Variants in FLRT2 observed in about 807,000 individuals in gnomAD.
The protein encoded by FLRT2 is leucine-rich repeat transmembrane protein FLRT2.
In FLRT2, 15 loss-of-function variants were observed where a neutral mutation model predicts 40.0. The observed-to-expected ratio is 0.38, with a 90% CI of 0.25 to 0.58. The LOEUF (loss-of-function observed/expected upper bound fraction) is 0.58, where lower values mean the gene tolerates loss of function less well. FLRT2 is among the 20% of genes least tolerant of loss of function. FLRT2 has a pLI of 0.71. For missense variants in FLRT2, 726 were observed against 840.0 expected, an observed-to-expected ratio of 0.86 and a Z score of 1.68; for synonymous variants, 380 against 336.8, an observed-to-expected ratio of 1.13 and a Z score of -1.41.
rs975693411 is a variant in FLRT2 at position 85,627,902 on chromosome 14, A to G, written c.*4405A>G. 5 of 167,090 alleles carry G rather than the reference A, an allele frequency of 3.0e-5. No individual in the cohort carries two copies. The highest frequency in any genetic ancestry group is 2.6e-4 in the Admixed American group (4 of 15,282). 10.4% of individuals were successfully genotyped at this position (167,090 alleles called of 1,614,324 possible). ...ACAGTACCTTGTTGATATATTCAGT[A>G]AAGTCTTATTTTAAAAGAAAACCAC... On this transcript the variant is annotated 3_prime_UTR_variant, in exon 2 of 2. Transcript: ENST00000330753.
At chr14:85,564,142 A>G (rs1475371230) in intron 1 of FLRT2, among the ~76,000 whole-genome samples, 1 of 152,194 alleles carries the variant, frequency 6.6e-6, no homozygotes, top group Non-Finnish European at 1.5e-5. Flanking sequence ...AGAACACCAA[A>G]GTGGCACTTG....
intron 1 of FLRT2, among the ~76,000 whole-genome samples, chr14:85,588,143 G>A (rs10133643): frequency 0.33 from 49,706 of 151,796 alleles, 9,201 homozygotes; most frequent in African/African-American, 0.51. Context: ...CACTATTTGA[G>A]TCCCGAATCT....
Position 85,623,603 on chromosome 14 carries a change from T to C in FLRT2, c.*106T>C. 1 of 825,888 alleles carries C rather than the reference T, an allele frequency of 1.2e-6. No individual in the cohort carries two copies. The allele number at this position is 825,888 out of a possible 1,614,324, so 51.2% of individuals were successfully genotyped here. A position where few individuals can be genotyped will look rare whatever the true frequency, so the allele number is the denominator to read the frequency against. The stretch of plus-strand genomic sequence containing the variant: ...TTACATTTGATAAATGTTACACAGA[T>C]GCATTTGTGCATTTGAATACTCTGT... On this transcript the variant is annotated 3_prime_UTR_variant, in exon 2 of 2. Transcript: ENST00000330753.
rs1894077173 is a variant in FLRT2 at position 85,638,893 on chromosome 14, AG to A, written c.*15397del. ...AACCTTGTTATATGCTAAAAATAAAAGATTAAAAAACATACAGTGCAAAAAA... is the reference window on the plus strand; with the variant it reads ...AACCTTGTTATATGCTAAAAATAAAAATTAAAAAACATACAGTGCAAAAAA... On this transcript the variant is annotated 3_prime_UTR_variant, in exon 2 of 2. Transcript: ENST00000330753. 6.6e-6 allele frequency: 1 copy of A among 152,244 alleles called. No homozygotes were observed. The highest frequency in any genetic ancestry group is 1.5e-5 in the Non-Finnish European group (1 of 68,048). 9.4% of individuals were successfully genotyped at this position (152,244 alleles called of 1,614,324 possible).
In FLRT2 at chr14:85,632,252, A is replaced by C. The variant is rs987726693; in HGVS notation, c.*8755A>C. ...TTTGGGAGGCCGAGGTGGGCAGATC[A>C]CGAGGTCAAGAAATCAAGACCATCC... On this transcript the variant is annotated 3_prime_UTR_variant, in exon 2 of 2. Transcript: ENST00000330753. 14 of 152,098 alleles carry C rather than the reference A, an allele frequency of 9.2e-5. No homozygotes were observed. Among genetic ancestry groups the C allele is most frequent in the Admixed American group, 3.3e-4 (5 of 15,258 alleles). 9.4% of individuals were successfully genotyped at this position (152,098 alleles called of 1,614,324 possible).
rs1301961438 is a variant in FLRT2 at position 85,626,953 on chromosome 14, C to T, written c.*3456C>T. 1 of 167,064 alleles carries T rather than the reference C, an allele frequency of 6.0e-6. No individual in the cohort carries two copies. Among genetic ancestry groups the T allele is most frequent in the African/African-American group, 2.4e-5 (1 of 41,472 alleles). 10.3% of individuals were successfully genotyped at this position (167,064 alleles called of 1,614,324 possible). ...CCTTCCCCACCAGGGAGGACAACATCTTCATGCTGTGATTGAAGCATCCAT... is the reference window on the plus strand; with the variant it reads ...CCTTCCCCACCAGGGAGGACAACATTTTCATGCTGTGATTGAAGCATCCAT... On this transcript the variant is annotated 3_prime_UTR_variant, in exon 2 of 2. Transcript: ENST00000330753.
chr14:85,602,731 T>G (rs766445134), intron 1 of FLRT2, among the ~76,000 whole-genome samples: 2 of 152,216 alleles, frequency 1.3e-5, no homozygotes, highest in Non-Finnish European at 2.9e-5. Flanking sequence ...AACAAGTTGC[T>G]GGAGTGTCAC....
At chr14:85,587,692 A>G (rs1268434060) in intron 1 of FLRT2, among the ~76,000 whole-genome samples, 1 of 152,158 alleles carries the variant, frequency 6.6e-6, no homozygotes, top group African/African-American at 2.4e-5. Flanking sequence ...CAAAAGAACA[A>G]AATCAAAACC....
At chr14:85,552,723 T>A (rs1180864026) in intron 1 of FLRT2, 1 of 152,220 alleles carries the variant, frequency 6.6e-6, no homozygotes, top group Non-Finnish European at 1.5e-5. Context: ...CATTGGGTTT[T>A]CTGGTGCAGA....
intron 1 of FLRT2, among the ~76,000 whole-genome samples, chr14:85,587,957 A>G (rs1469325684): frequency 2.7e-5 from 4 of 150,886 alleles, no homozygotes; most frequent in Non-Finnish European, 4.4e-5. Flanking sequence ...TTTGAGATGG[A>G]GTCTTGCTCT....
intron 1 of FLRT2, among the ~76,000 whole-genome samples, chr14:85,535,466 T>A (rs1888591900): frequency 6.6e-6 from 1 of 152,124 alleles, no homozygotes; most frequent in African/African-American, 2.4e-5. Flanking sequence ...GTATTTGAAG[T>A]GTTAGAACTA....
At chr14:85,586,747 G>T (rs1454657897) in intron 1 of FLRT2, among the ~76,000 whole-genome samples, 1 of 151,926 alleles carries the variant, frequency 6.6e-6, no homozygotes. Context: ...AATAAAAAAG[G>T]TCTTTGTTTA....
intron 1 of FLRT2, among the ~76,000 whole-genome samples, chr14:85,612,137 CTT>C (rs1417788682): frequency 1.2e-4 from 8 of 67,172 alleles, no homozygotes; most frequent in Non-Finnish European, 2.4e-4. Context: ...GGTGGGAACT[CTT>C]TAAAAAAAGA....
At chr14:85,553,617 A>G (rs1200302498) in intron 1 of FLRT2, among the ~76,000 whole-genome samples, 3 of 152,152 alleles carry the variant, frequency 2.0e-5, no homozygotes, top group African/African-American at 7.2e-5. Flanking sequence ...TCACACTTTT[A>G]TCGCCAGATC....
At chr14:85,603,170 T>C (rs544134387) in intron 1 of FLRT2, among the ~76,000 whole-genome samples, 1 of 152,286 alleles carries the variant, frequency 6.6e-6, no homozygotes, top group Admixed American at 6.5e-5. Flanking sequence ...CTCTCCTAAA[T>C]AATGTGCAAG....
chr14:85,556,947 T>A (rs981379411), intron 1 of FLRT2, among the ~76,000 whole-genome samples: 2 of 152,152 alleles, frequency 1.3e-5, no homozygotes, highest in Non-Finnish European at 1.5e-5. Context: ...CAAAAGGCAC[T>A]TCTTACATGG....
rs1049639325 is a variant in FLRT2, at chr14:85,639,996, C to G, written c.*16499C>G. On this transcript the variant is annotated 3_prime_UTR_variant, in exon 2 of 2. Transcript: ENST00000330753. ...CCCGAGTAGCTGGGACTACAGGCTC[C>G]TGCCACCACGCCTGGCTAATATTTT... The G allele has an allele frequency of 6.6e-6, 1 of 152,050 alleles. No homozygotes were observed. The highest frequency in any genetic ancestry group is 1.5e-5 in the Non-Finnish European group (1 of 68,064). The allele number at this position is 152,050 out of a possible 1,614,324, so 9.4% of individuals were successfully genotyped here.
At chr14:85,613,320 A>C (rs1892980474) in intron 1 of FLRT2, among the ~76,000 whole-genome samples, 1 of 152,132 alleles carries the variant, frequency 6.6e-6, no homozygotes, top group Non-Finnish European at 1.5e-5. Context: ...CAGTACTATA[A>C]GTCAATAAGA....
At position 85,640,746 on chromosome 14, in the gene FLRT2, G is replaced by A. The variant is rs1254761878; in HGVS notation, c.*17249G>A. ...CAAAGAGATTTGAGCCCCTTGAGTAGAACATAGGCCACATAGTGTGGCAAA... is the reference window on the plus strand; with the variant it reads ...CAAAGAGATTTGAGCCCCTTGAGTAAAACATAGGCCACATAGTGTGGCAAA... On this transcript the variant is annotated 3_prime_UTR_variant, in exon 2 of 2. Coordinates refer to ENST00000330753, the MANE Select transcript of FLRT2 (RefSeq NM_013231.6). 6.6e-6 allele frequency: 1 copy of A among 152,186 alleles called. No individual in the cohort carries two copies. Among genetic ancestry groups the A allele is most frequent in the Non-Finnish European group, 1.5e-5 (1 of 68,038 alleles). The allele number at this position is 152,186 out of a possible 1,614,324, so 9.4% of individuals were successfully genotyped here.
Sources: allele counts gnomAD v4.1 joint callset (sites outside exome capture counted in the v4.1 genomes callset), GRCh38; gene constraint gnomAD v4.1.1; transcripts MANE v1.5; gene names NCBI Gene and HGNC (gene_info 2026-07-23, HGNC 2026-07-21).